The following COPG1 variants were observed in gnomAD, a reference collection of about 807,000 sequenced individuals.
COPG1 encodes coatomer subunit gamma-1.
In COPG1, 29 loss-of-function variants were observed where a neutral mutation model predicts 102.8. The ratio of observed to expected loss-of-function variants is 0.28; its 90% CI spans 0.21 to 0.38. COPG1 has a LOEUF of 0.38. Ranked by LOEUF, COPG1 falls within the 10% of genes least tolerant of loss-of-function variation. COPG1 has a pLI of 1.00. For missense variants in COPG1, 875 were observed against 1,132.7 expected, an observed-to-expected ratio of 0.77 and a Z score of 3.27; for synonymous variants, 406 against 421.6, an observed-to-expected ratio of 0.96 and a Z score of 0.45.
In COPG1 at chr3:129,265,720, A is replaced by T. The variant is rs773333041; in HGVS notation, c.1396A>T (p.Thr466Ser). The part of the protein sequence containing the change: ...LHLLGQEGPK[T>S]TNPSKYIRFI... ...TCTCCTGGGCCAGGAGGGGCCCAAG[A>T]CCACCAATCCCTCAAAGTACATCCG... The change falls in exon 14 of 24, where the codon ACC becomes TCC. Residue 466 changes from threonine to serine, a missense_variant. By Grantham distance (58) the Thr-to-Ser change is moderately conservative. Transcript: ENST00000314797. 6.2e-7 allele frequency: 1 copy of T among 1,614,164 alleles called. No individual in the cohort carries two copies. The highest frequency in any genetic ancestry group is 2.2e-5 in the East Asian group (1 of 44,880).
chr3:129,250,863 T>C lies in COPG1; in HGVS notation c.90+129T>C, dbSNP rs112817037. On this transcript the variant is annotated intron_variant, in intron 2 of 23. Transcript: ENST00000314797. ...AGAAAACTTGTGCCTGGAAGTTTTCTGGAAGACAGGAAAACTTTGTTTCTG... is the reference window on the plus strand; with the variant it reads ...AGAAAACTTGTGCCTGGAAGTTTTCCGGAAGACAGGAAAACTTTGTTTCTG... 3.0e-3 allele frequency: 2,264 copies of C among 766,376 alleles called. 34 individuals carry two copies. The African/African-American group carries it at 0.034, about 12-fold the overall frequency. The allele number at this position is 766,376 out of a possible 1,614,324, so 47.5% of individuals were successfully genotyped here. A position where few individuals can be genotyped will look rare whatever the true frequency, so the allele number is the denominator to read the frequency against.
chr3:129,274,324 T>C (rs1167739555), intron 21 of COPG1, among the ~76,000 whole-genome samples: 2 of 152,210 alleles, frequency 1.3e-5, no homozygotes, highest in Non-Finnish European at 2.9e-5. Flanking sequence ...GGGAGTATTA[T>C]GTGTCAAGTT....
chr3:129,254,472 G>A (rs146419907), intron 5 of COPG1, 196 bp from the exon 6 acceptor site: 3 of 537,818 alleles, frequency 5.6e-6, no homozygotes, highest in African/African-American at 3.8e-5. Context: ...AAAGCAGGGG[G>A]ATGACCTGTT....
intron 13 of COPG1, 51 bp downstream of exon 13, chr3:129,264,050 G>A (rs1347292697): frequency 1.4e-6 from 2 of 1,451,646 alleles, no homozygotes; most frequent in Admixed American, 1.7e-5. Context: ...TGCAGGGAGT[G>A]ACCTGACCAC....
In COPG1 at chr3:129,260,755, G is replaced by A. The variant is rs770697022; in HGVS notation, c.1076G>A (p.Arg359His). ...ACGGGCAGCGAGAGCAGCATCGACC[G>A]CCTCATGAAGCAGATCTCCTCCTTC... ...LKTGSESSID[R>H]LMKQISSFMS... Residue 359 changes from arginine to histidine, a missense_variant, in exon 12 of 24, where the codon CGC becomes CAC. Physicochemically the swap from Arg to His is conservative, Grantham distance 29. Transcript: ENST00000314797. 11 of 1,612,680 alleles carry A rather than the reference G, an allele frequency of 6.8e-6. No homozygotes were observed. The highest frequency in any genetic ancestry group is 2.7e-5 in the African/African-American group (2 of 74,850).
chr3:129,252,413 G>C, intron 3 of COPG1, 52 bp downstream of exon 3: 1 of 1,327,854 alleles, frequency 7.5e-7, no homozygotes, highest in Non-Finnish European at 1.1e-6. Context: ...GGATTGGAGG[G>C]GAGTGGACAA....
At position 129,254,750 on chromosome 3, in the gene COPG1, C is replaced by A; in HGVS notation, c.399+7C>A. 6.2e-7 allele frequency: 1 copy of A among 1,611,816 alleles called. No homozygotes were observed. The highest frequency in any genetic ancestry group is 1.1e-5 in the South Asian group (1 of 90,986). The stretch of plus-strand genomic sequence containing the variant: ...CCTCTGCCAGATCACTGATGTGAGT[C>A]GTGCCGGTTCCTCCCTGCTTCCTGG... On this transcript the variant is annotated splice_region_variant and intron_variant, in intron 6 of 23. Transcript: ENST00000314797.
chr3:129,249,836 GC>G (rs1178804187), intron 1 of COPG1, 90 bp downstream of exon 1: 2 of 1,375,718 alleles, frequency 1.5e-6, no homozygotes, highest in African/African-American at 1.4e-5. Context: ...GGAGGCTGAG[GC>G]CCAGTGAGGG....
intron 13 of COPG1, among the ~76,000 whole-genome samples, chr3:129,264,805 T>C (rs1940016269): frequency 6.6e-6 from 1 of 151,652 alleles, no homozygotes; most frequent in South Asian, 2.1e-4. Flanking sequence ...TTGGAGACAC[T>C]GTATGCATGA....
chr3:129,256,028 C>T (rs1939801414), intron 7 of COPG1, 40 bp from the exon 8 acceptor site: 1 of 1,574,578 alleles, frequency 6.4e-7, no homozygotes, highest in Non-Finnish European at 8.7e-7. Context: ...GTGATGGGGA[C>T]ACTTCCTACC....
chr3:129,265,967 G>T (rs1244014013), intron 14 of COPG1, among the ~76,000 whole-genome samples, 175 bp downstream of exon 14: 2 of 149,860 alleles, frequency 1.3e-5, no homozygotes, highest in African/African-American at 4.9e-5. Flanking sequence ...ACAGTTCTTT[G>T]TTTTTTGTTT....
chr3:129,268,094 T>C, intron 16 of COPG1, 54 bp downstream of exon 16: 1 of 1,439,512 alleles, frequency 6.9e-7, no homozygotes, highest in Non-Finnish European at 9.7e-7. Flanking sequence ...GCTGTGGTTC[T>C]CATCACTCCC....
At chr3:129,268,780 T>A in intron 17 of COPG1, 152 bp from the exon 18 acceptor site, 1 of 1,064,476 alleles carries the variant, frequency 9.4e-7, no homozygotes, top group Non-Finnish European at 1.4e-6. Context: ...GAGACACACA[T>A]ACACACAGAC....
In COPG1 at chr3:129,252,189, G is replaced by A. The variant is rs1247416475; in HGVS notation, c.91-92G>A. 5 of 899,012 alleles carry A rather than the reference G, an allele frequency of 5.6e-6. No individual in the cohort carries two copies. The East Asian group carries it at 9.7e-5, about 17-fold the overall frequency. The allele number at this position is 899,012 out of a possible 1,614,324, so 55.7% of individuals were successfully genotyped here. A position where few individuals can be genotyped will look rare whatever the true frequency, so the allele number is the denominator to read the frequency against. On this transcript the variant is annotated intron_variant, in intron 2 of 23. Coordinates refer to ENST00000314797, the MANE Select transcript of COPG1 (RefSeq NM_016128.4). ...TACCCAGAAAGCCCTGTTTAGACAAGTCAGTTTACCCTGAGACTTCTCAGA... is the reference window on the plus strand; with the variant it reads ...TACCCAGAAAGCCCTGTTTAGACAAATCAGTTTACCCTGAGACTTCTCAGA...
At position 129,272,304 on chromosome 3, in the gene COPG1, C is replaced by G. The variant is rs1360297387; in HGVS notation, c.2047C>G (p.Pro683Ala). 1 of 1,613,778 alleles carries G rather than the reference C, an allele frequency of 6.2e-7. No individual in the cohort carries two copies. Among genetic ancestry groups the G allele is most frequent in the Non-Finnish European group, 8.5e-7 (1 of 1,179,672 alleles). Residue 683 changes from proline to alanine, a missense_variant, in exon 20 of 24, where the codon CCC becomes GCC. Transcript: ENST00000314797. ...TLENVTVQMEPTEAYEVLCYV... is the reference protein window; with the variant it reads ...TLENVTVQMEATEAYEVLCYV... ...GGAGAATGTCACAGTGCAGATGGAGCCCACTGAGGCCTATGAGGTGCTCTG... is the reference window on the plus strand; with the variant it reads ...GGAGAATGTCACAGTGCAGATGGAGGCCACTGAGGCCTATGAGGTGCTCTG...
At chr3:129,257,692 C>T in intron 9 of COPG1, 35 bp from the exon 10 acceptor site, 1 of 1,613,114 alleles carries the variant, frequency 6.2e-7, no homozygotes, top group Non-Finnish European at 8.5e-7. Context: ...TGGGCCACCC[C>T]CAACGTTTTC....
intron 12 of COPG1, among the ~76,000 whole-genome samples, chr3:129,261,874 A>AT (rs1939933003): frequency 6.6e-6 from 1 of 152,154 alleles, no homozygotes; most frequent in Non-Finnish European, 1.5e-5. Context: ...CTACCTCTCT[A>AT]TTCCCTAACC....
chr3:129,268,556 A>G lies in COPG1; in HGVS notation c.1710A>G (p.Ser570=), dbSNP rs1445685119. Residue 570 remains serine (S), a synonymous_variant, in exon 17 of 24, where the codon TCA becomes TCG. Coordinates refer to ENST00000314797, the MANE Select transcript of COPG1 (RefSeq NM_016128.4). The stretch of plus-strand genomic sequence containing the variant: ...TGCAGCAGTACACTCTAGAACCATC[A>G]GAAAAACCTTTTGACCTCAAGTCTG... ...RALQQYTLEP[S]EKPFDLKSVP... 6.2e-7 allele frequency: 1 copy of G among 1,614,218 alleles called. No homozygotes were observed. Among genetic ancestry groups the G allele is most frequent in the Non-Finnish European group, 8.5e-7 (1 of 1,180,038 alleles).
intron 10 of COPG1, 39 bp downstream of exon 10, chr3:129,257,899 G>T: frequency 6.2e-7 from 1 of 1,604,478 alleles, no homozygotes; most frequent in Non-Finnish European, 8.5e-7. Context: ...ACATGTTTAT[G>T]CTTGCTGGGA....
Sources: allele counts gnomAD v4.1 joint callset (sites outside exome capture counted in the v4.1 genomes callset), GRCh38; gene constraint gnomAD v4.1.1; transcripts MANE v1.5; gene names NCBI Gene and HGNC (gene_info 2026-07-23, HGNC 2026-07-21).